TINAG: variants seen among roughly 807,000 people sequenced by gnomAD.
The protein encoded by TINAG is tubulointerstitial nephritis antigen.
Under a neutral mutation model 72.7 loss-of-function variants are expected in TINAG, and 83 were observed. The observed-to-expected ratio is 1.14, with a 90% CI of 0.96 to 1.37. The LOEUF is 1.37. TINAG is among the 40% of genes most tolerant of loss of function. The pLI is 0.00. For missense variants in TINAG, 685 were observed against 576.6 expected (o/e 1.19, Z -1.93); for synonymous variants, 234 against 189.9 (o/e 1.23, Z -1.91).
At chr6:54,367,568 T>C (rs1244145361) in intron 9 of TINAG, among the ~76,000 whole-genome samples, 4 of 151,678 alleles carry the variant, frequency 2.6e-5, no homozygotes, top group Non-Finnish European at 5.9e-5. Flanking sequence ...GCTGTAGAGA[T>C]GGTACAAGTG....
intron 1 of TINAG, among the ~76,000 whole-genome samples, chr6:54,316,179 C>T (rs1784369107): frequency 6.6e-6 from 1 of 152,110 alleles, no homozygotes; most frequent in Non-Finnish European, 1.5e-5. Flanking sequence ...GACAATTCCT[C>T]CTTTCTACTT....
rs1784218197 is a variant in TINAG, at chr6:54,310,511, T to C, written c.355+1606T>C. 1.3e-5 allele frequency among the ~76,000 whole-genome samples: 2 copies of C among 150,864 alleles called. 1 individual carries two copies. The highest frequency in any genetic ancestry group is 4.2e-4 in the South Asian group (2 of 4,734). On this transcript the variant is annotated intron_variant, in intron 1 of 10. Coordinates refer to ENST00000259782, the MANE Select transcript of TINAG (RefSeq NM_014464.4). ...CTTTCTTTTCTTCTTTCTTTCTCTT[T>C]CTTTCTTTTCTTTCTTTCTCTCTCT... is the stretch of plus-strand genomic sequence containing the variant.
At chr6:54,332,101 G>T (rs183073297) in intron 4 of TINAG, among the ~76,000 whole-genome samples, 1 of 152,074 alleles carries the variant, frequency 6.6e-6, no homozygotes, top group Non-Finnish European at 1.5e-5. Context: ...TTTCTTCACA[G>T]AATTAGAAAA....
chr6:54,352,884 A>G (rs570029323), intron 8 of TINAG, among the ~76,000 whole-genome samples: 2 of 151,984 alleles, frequency 1.3e-5, no homozygotes, highest in East Asian at 3.9e-4. Context: ...AAATAAAGAC[A>G]TAACATTTCA....
chr6:54,361,321 A>G (rs1197374197), intron 9 of TINAG, among the ~76,000 whole-genome samples: 1 of 151,716 alleles, frequency 6.6e-6, no homozygotes, highest in Admixed American at 6.6e-5. Flanking sequence ...TAGTTTATAA[A>G]TAACAGAGGT....
At chr6:54,382,538 G>A (rs1763982527) in intron 10 of TINAG, among the ~76,000 whole-genome samples, 2 of 152,042 alleles carry the variant, frequency 1.3e-5, no homozygotes, top group African/African-American at 4.8e-5. Flanking sequence ...GTACTGTTTT[G>A]TGAAGAATTG....
At chr6:54,316,252 C>A (rs1784370611) in intron 1 of TINAG, among the ~76,000 whole-genome samples, 1 of 152,036 alleles carries the variant, frequency 6.6e-6, no homozygotes, top group South Asian at 2.1e-4. Context: ...AGTACAGGTG[C>A]TTTTGAGTTT....
chr6:54,386,770 C>T (rs1003475139), intron 10 of TINAG, among the ~76,000 whole-genome samples: 1 of 149,690 alleles, frequency 6.7e-6, no homozygotes. Context: ...CAGACAAAAA[C>T]AATTTGAGAT....
At chr6:54,329,769 A>T (rs1018852249) in intron 4 of TINAG, among the ~76,000 whole-genome samples, 2 of 152,166 alleles carry the variant, frequency 1.3e-5, no homozygotes, top group Admixed American at 1.3e-4. Flanking sequence ...AAATAAAGTG[A>T]TGGAGGAATA....
chr6:54,360,841 G>GTTTTTTTTTTTTGT (rs1763206220), intron 9 of TINAG, among the ~76,000 whole-genome samples: 2 of 26,242 alleles, frequency 7.6e-5, no homozygotes, highest in African/African-American at 1.0e-4. Context: ...CAGATACTGT[G>GTTTTTTTTTTTTGT]TTTTTTTTTT....
At chr6:54,307,944 G>A (rs1319763436), upstream of TINAG, 7 of 1,211,752 alleles carry the variant, frequency 5.8e-6, no homozygotes, top group East Asian at 1.3e-4. Context: ...GTTCCACTAA[G>A]CCTTGAAATC....
At chr6:54,363,531 G>T (rs1049551179) in intron 9 of TINAG, among the ~76,000 whole-genome samples, 1 of 150,802 alleles carries the variant, frequency 6.6e-6, no homozygotes, top group Admixed American at 6.6e-5. Flanking sequence ...GGCAGGGAAC[G>T]GTGTCATACA....
intron 9 of TINAG, among the ~76,000 whole-genome samples, chr6:54,369,488 A>G (rs1763538829): frequency 6.6e-6 from 1 of 151,898 alleles, no homozygotes; most frequent in Non-Finnish European, 1.5e-5. Context: ...TTAAAACTTA[A>G]AAATATAATC....
chr6:54,308,617 T>C lies in TINAG; in HGVS notation c.67T>C (p.Tyr23His). 1.9e-6 allele frequency: 3 copies of C among 1,613,762 alleles called. No individual in the cohort carries two copies. Among genetic ancestry groups the C allele is most frequent in the Non-Finnish European group, 2.5e-6 (3 of 1,179,814 alleles). ...LTTEIWMEKQ[Y>H]LSQREVDLEA... ...TACAGAAATCTGGATGGAGAAGCAGTATTTATCTCAAAGAGAAGTGGACCT... is the reference window on the plus strand; with the variant it reads ...TACAGAAATCTGGATGGAGAAGCAGCATTTATCTCAAAGAGAAGTGGACCT... The change falls in exon 1 of 11, where the codon TAT becomes CAT. Residue 23 changes from tyrosine (Y) to histidine (H), a missense_variant. Coordinates refer to ENST00000259782, the MANE Select transcript of TINAG (RefSeq NM_014464.4).
At chr6:54,371,255 T>A (rs1014839306) in intron 9 of TINAG, among the ~76,000 whole-genome samples, 2 of 151,984 alleles carry the variant, frequency 1.3e-5, no homozygotes, top group Non-Finnish European at 2.9e-5. Flanking sequence ...TAGATTCAAA[T>A]GCTAGTTCTG....
chr6:54,347,377 T>A lies in TINAG; in HGVS notation c.759T>A (p.Ala253=). ...TTCTATTTGAAACAGGTGTGGCTGC[T>A]GACCGAATAGCAATTCAGTCTAAGG... The part of the protein sequence containing the change: ...SWAFSTASVA[A]DRIAIQSKGR... Residue 253 remains alanine (A), a synonymous_variant, in exon 6 of 11, where the codon GCT becomes GCA. Transcript: ENST00000259782. 3.1e-6 allele frequency: 5 copies of A among 1,612,624 alleles called. No individual in the cohort carries two copies. The highest frequency in any genetic ancestry group is 4.2e-6 in the Non-Finnish European group (5 of 1,179,234).
chr6:54,360,297 G>T (rs1052557451), intron 9 of TINAG, among the ~76,000 whole-genome samples: 1 of 151,498 alleles, frequency 6.6e-6, no homozygotes, highest in Non-Finnish European at 1.5e-5. Context: ...GGCTATAGAT[G>T]CATTTAATTG....
chr6:54,358,945 C>T (rs567357140), intron 9 of TINAG, among the ~76,000 whole-genome samples: 1 of 151,862 alleles, frequency 6.6e-6, no homozygotes, highest in East Asian at 1.9e-4. Context: ...GCATTATGTA[C>T]TTCTAAGGGG....
chr6:54,327,021 T>C (rs1174623966), intron 4 of TINAG, 105 bp downstream of exon 4: 3 of 1,556,024 alleles, frequency 1.9e-6, no homozygotes, highest in Non-Finnish European at 2.6e-6. Context: ...TTTTGAGCTT[T>C]CAGTCATAAT....
Sources: gnomAD v4.1 joint callset for allele counts (sites outside exome capture counted in the v4.1 genomes callset) on GRCh38, gnomAD v4.1.1 for gene constraint, MANE v1.5 for transcripts, NCBI Gene and HGNC (gene_info 2026-07-23, HGNC 2026-07-21) for gene names.